MACF1: variants seen among roughly 807,000 people sequenced by gnomAD.
MACF1 encodes the protein microtubule actin crosslinking factor 1, also known as microtubule-actin cross-linking factor 1.
Under a neutral mutation model 854.8 loss-of-function variants are expected in MACF1, and 193 were observed. The ratio of observed to expected loss-of-function variants is 0.23; its 90% CI spans 0.20 to 0.25. The LOEUF (loss-of-function observed/expected upper bound fraction) is 0.25. Among genes scored for constraint, MACF1 ranks in the 10% least tolerant of loss-of-function variants. The probability of loss-of-function intolerance (pLI) is 1.00; values close to 1 mark genes in which losing one functional copy is unlikely to be tolerated. For synonymous variants in MACF1, 3,185 were observed against 3,226.7 expected (o/e 0.99, Z 0.44); for missense variants, 7,722 against 8,929.1 (o/e 0.86, Z 5.45).
At chr1:39,240,283 A>C (rs1419861449) in intron 2 of MACF1, among the ~76,000 whole-genome samples, 1 of 152,216 alleles carries the variant, frequency 6.6e-6, no homozygotes, top group African/African-American at 2.4e-5. Flanking sequence ...AGTGCTGGTT[A>C]GATGCTAAGG....
At chr1:39,233,775 C>CTTTTTTTTT (rs11286953) in intron 2 of MACF1, among the ~76,000 whole-genome samples, 15 of 36,542 alleles carry the variant, frequency 4.1e-4, no homozygotes, top group African/African-American at 8.5e-4. Context: ...CTAGCCATAG[C>CTTTTTTTTT]TTTTTTTTTT....
intron 97 of MACF1, among the ~76,000 whole-genome samples, chr1:39,474,233 A>G (rs901677116): frequency 5.3e-5 from 8 of 151,958 alleles, no homozygotes; most frequent in Admixed American, 1.3e-4. Flanking sequence ...CTGAAAATAT[A>G]AAAAAATTAG....
At chr1:39,298,148 A>C (rs1177432696) in intron 21 of MACF1, among the ~76,000 whole-genome samples, 1 of 151,732 alleles carries the variant, frequency 6.6e-6, no homozygotes, top group Admixed American at 6.6e-5. Context: ...AAAAAAACCA[A>C]CAACAACAAC....
intron 2 of MACF1, among the ~76,000 whole-genome samples, chr1:39,143,941 C>T (rs932594016): frequency 1.4e-4 from 22 of 151,856 alleles, no homozygotes; most frequent in Non-Finnish European, 2.5e-4. Flanking sequence ...GCACCAGCCA[C>T]CATGCCTAGC....
chr1:39,426,503 C>G (rs563015849), intron 61 of MACF1, among the ~76,000 whole-genome samples: 1 of 152,310 alleles, frequency 6.6e-6, no homozygotes, highest in Non-Finnish European at 1.5e-5. Flanking sequence ...AATCTGCATG[C>G]TAATACAGTT....
chr1:39,406,738 C>CAAAAAAAA (rs5773658), intron 58 of MACF1, among the ~76,000 whole-genome samples: 25 of 31,782 alleles, frequency 7.9e-4, no homozygotes, highest in South Asian at 1.1e-3. Flanking sequence ...GAGTCTCACT[C>CAAAAAAAA]AAAAAAAAAA....
At chr1:39,165,678 T>A (rs964360519) in intron 2 of MACF1, among the ~76,000 whole-genome samples, 1 of 152,266 alleles carries the variant, frequency 6.6e-6, no homozygotes, top group Non-Finnish European at 1.5e-5. Context: ...ACTATGCTGC[T>A]GTGGTTTCTA....
chr1:39,415,037 C>G (rs1643233823), intron 58 of MACF1, among the ~76,000 whole-genome samples: 1 of 152,194 alleles, frequency 6.6e-6, no homozygotes, highest in African/African-American at 2.4e-5. Flanking sequence ...CTGGCCATAT[C>G]CTCCCCATTC....
rs1647852339 is a variant in MACF1 at position 39,359,232 on chromosome 1, C to T, written c.12212C>T (p.Ala4071Val). ...ATAATGGAAATTGAAGGGGAGCCAGCCCCAGACCACAGGCATGTTCAAGAA... is the reference window on the plus strand; with the variant it reads ...ATAATGGAAATTGAAGGGGAGCCAGTCCCAGACCACAGGCATGTTCAAGAA... ...RDIMEIEGEP[A>V]PDHRHVQETT... Residue 4071 changes from alanine to valine, a missense_variant, in exon 47 of 101, where the codon GCC becomes GTC. Physicochemically the swap from Ala to Val is moderately conservative, Grantham distance 64 (BLOSUM62 0). This residue lies in a region of MACF1 where 2,807 missense variants were observed against 3,235.8 expected (regional missense o/e 0.87). Transcript: ENST00000564288. The T allele has an allele frequency of 1.2e-6, 2 of 1,613,982 alleles. No homozygotes were observed. The highest frequency in any genetic ancestry group is 1.7e-6 in the Non-Finnish European group (2 of 1,180,016).
At chr1:39,458,773 G>T in intron 90 of MACF1, 1 of 499,986 alleles carries the variant, frequency 2.0e-6, no homozygotes, top group Non-Finnish European at 3.5e-6. Flanking sequence ...TTTACATTTG[G>T]CTTGTACTAA....
intron 92 of MACF1, among the ~76,000 whole-genome samples, 165 bp from the exon 93 acceptor site, chr1:39,461,718 G>C (rs1183262216): frequency 6.6e-6 from 1 of 150,590 alleles, no homozygotes; most frequent in African/African-American, 2.5e-5. Context: ...CTTGAACCAG[G>C]GAGACGGAAG....
chr1:39,343,222 A>C (rs1246193116), intron 40 of MACF1, among the ~76,000 whole-genome samples: 1 of 152,176 alleles, frequency 6.6e-6, no homozygotes, highest in Non-Finnish European at 1.5e-5. Context: ...TGCTATAGAG[A>C]GATACCCCTC....
chr1:39,451,298 C>T lies in MACF1; in HGVS notation c.20418+87C>T. 3.8e-6 allele frequency: 5 copies of T among 1,319,346 alleles called. No homozygotes were observed. The South Asian group carries it at 6.7e-5, about 18-fold the overall frequency. 81.7% of individuals were successfully genotyped at this position (1,319,346 alleles called of 1,614,324 possible). A position where few individuals can be genotyped will look rare whatever the true frequency, so the allele number is the denominator to read the frequency against. On this transcript the variant is annotated intron_variant, in intron 85 of 100. Coordinates refer to ENST00000564288, the MANE Select transcript of MACF1 (RefSeq NM_001394062.1). ...GTCTTCTACATATGACTGCCTCTGCCCTTCTTTCTAGGGGAGAAAGAGAGC... is the reference window on the plus strand; with the variant it reads ...GTCTTCTACATATGACTGCCTCTGCTCTTCTTTCTAGGGGAGAAAGAGAGC...
At chr1:39,247,559 G>A (rs907364219) in intron 2 of MACF1, among the ~76,000 whole-genome samples, 15 of 152,060 alleles carry the variant, frequency 9.9e-5, no homozygotes, top group Non-Finnish European at 2.1e-4. Flanking sequence ...GTGTGCTACT[G>A]TATATTTCTT....
intron 97 of MACF1, among the ~76,000 whole-genome samples, chr1:39,475,096 TGTG>T (rs1644853543): frequency 1.3e-5 from 2 of 152,058 alleles, no homozygotes; most frequent in African/African-American, 2.4e-5. Flanking sequence ...GTCCCCAAGA[TGTG>T]GTCCTCAAAA....
chr1:39,346,985 A>G lies in MACF1; in HGVS notation c.10590A>G (p.Lys3530=). The G allele has an allele frequency of 6.2e-7, 1 of 1,602,336 alleles. No homozygotes were observed. Among genetic ancestry groups the G allele is most frequent in the Non-Finnish European group, 8.5e-7 (1 of 1,175,718 alleles). Residue 3530 remains lysine (K), a synonymous_variant, in exon 41 of 101, where the codon AAA becomes AAG. Transcript: ENST00000564288. ...NLCLQQYEDL[K]QPMAERKAQL... is the part of the protein sequence containing the mutation. ...TTTTCCATTTACCTTAGGATTTGAA[A>G]CAGCCCATGGCTGAAAGGAAAGCTC...
In MACF1 at chr1:39,448,591, T is replaced by C. The variant is rs763757100; in HGVS notation, c.20089-3T>C. On this transcript the variant is annotated splice_region_variant and splice_polypyrimidine_tract_variant and intron_variant, in intron 83 of 100. Transcript: ENST00000564288. The stretch of plus-strand genomic sequence containing the variant: ...CTTTTTTCTTTTCTTTCTGGAAACA[T>C]AGGAGTTTCAGAAGACTCTTGGTGG... 1.3e-6 allele frequency: 2 copies of C among 1,511,326 alleles called. No homozygotes were observed. The highest frequency in any genetic ancestry group is 1.8e-6 in the Non-Finnish European group (2 of 1,126,350). The allele number at this position is 1,511,326 out of a possible 1,614,324, so 93.6% of individuals were successfully genotyped here. A position where few individuals can be genotyped will look rare whatever the true frequency, so the allele number is the denominator to read the frequency against.
chr1:39,480,050 A>C (rs1570238535), intron 98 of MACF1, 41 bp downstream of exon 98: 1 of 1,549,350 alleles, frequency 6.5e-7, no homozygotes, highest in Non-Finnish European at 8.9e-7. Flanking sequence ...CCCCAATCCC[A>C]CCCTCACAGA....
intron 31 of MACF1, among the ~76,000 whole-genome samples, chr1:39,321,618 C>T (rs765869920): frequency 8.6e-4 from 131 of 152,268 alleles, no homozygotes; most frequent in Middle Eastern, 6.8e-3. Flanking sequence ...GGAAAATTAG[C>T]GGTGAGATTG....
Sources: allele counts gnomAD v4.1 joint callset (sites outside exome capture counted in the v4.1 genomes callset), GRCh38; gene constraint gnomAD v4.1.1; regional missense constraint gnomAD v4.1.1; transcripts MANE v1.5; gene names NCBI Gene and HGNC (gene_info 2026-07-23, HGNC 2026-07-21).